The following BPIFB1 variants were observed in gnomAD, a reference collection of about 807,000 sequenced individuals.
BPIFB1 encodes BPI fold containing family B member 1, also known as BPI fold-containing family B member 1.
In BPIFB1, 34 loss-of-function variants were observed where a neutral mutation model predicts 55.1. The ratio of observed to expected loss-of-function variants is 0.62; its 90% CI spans 0.47 to 0.82. The LOEUF is 0.82. Among genes scored for constraint, BPIFB1 ranks in the 40% least tolerant of loss-of-function variants. The pLI is 0.00. For synonymous variants in BPIFB1, 236 were observed against 245.3 expected, an observed-to-expected ratio of 0.96 and a Z score of 0.35; for missense variants, 532 against 593.1, an observed-to-expected ratio of 0.90 and a Z score of 1.07.
Position 33,303,049 on chromosome 20 carries a change from T to G in BPIFB1, c.1115T>G (p.Leu372Arg). 1 of 1,613,990 alleles carries G rather than the reference T, an allele frequency of 6.2e-7. No individual in the cohort carries two copies. Among genetic ancestry groups the G allele is most frequent in the Non-Finnish European group, 8.5e-7 (1 of 1,180,024 alleles). ...GAAGTGTTTCCCTCCAGTGAAGCCC[T>G]CCGCCCTTTGTTCACCCTGGGCATC... Reference protein sequence around the residue: ...VLEVFPSSEALRPLFTLGIEA... With the variant: ...VLEVFPSSEARRPLFTLGIEA... Residue 372 changes from leucine to arginine, a missense_variant, in exon 11 of 16, where the codon CTC (leucine) becomes CGC (arginine). Physicochemically the swap from Leu to Arg is moderately radical, Grantham distance 102. Transcript: ENST00000253354.
chr20:33,289,801 G>C, intron 3 of BPIFB1, 84 bp from the exon 4 acceptor site: 1 of 1,328,844 alleles, frequency 7.5e-7, no homozygotes, highest in Non-Finnish European at 1.1e-6. Context: ...AGGCACCCCA[G>C]GGAGATGGAA....
At chr20:33,284,941 T>A (rs185830790) in intron 1 of BPIFB1, among the ~76,000 whole-genome samples, 65 of 152,180 alleles carry the variant, frequency 4.3e-4, no homozygotes, top group Admixed American at 3.7e-3. Context: ...ATTCAGTCCC[T>A]CCCCAGCCCC....
chr20:33,290,916 C>A (rs755328692), intron 4 of BPIFB1, 41 bp from the exon 5 acceptor site: 1 of 1,602,934 alleles, frequency 6.2e-7, no homozygotes, highest in South Asian at 1.1e-5. Context: ...CCAGCCCGAG[C>A]TTGCCTGGTG....
chr20:33,308,025 G>A (rs1409688661), intron 15 of BPIFB1: 1 of 152,158 alleles, frequency 6.6e-6, no homozygotes, highest in East Asian at 1.9e-4. Flanking sequence ...CACGATGCTG[G>A]CATCTGCTCA....
chr20:33,297,637 C>T, intron 7 of BPIFB1, 49 bp downstream of exon 7: 2 of 1,597,972 alleles, frequency 1.3e-6, no homozygotes, highest in Non-Finnish European at 1.7e-6. Flanking sequence ...ACGGAGCTGG[C>T]CTCCAGACCC....
At chr20:33,301,190 C>T in intron 8 of BPIFB1, 43 bp from the exon 9 acceptor site, 1 of 1,580,116 alleles carries the variant, frequency 6.3e-7, no homozygotes, top group Non-Finnish European at 8.7e-7. Context: ...GGGTAAGCTG[C>T]AGAGTTAAAA....
chr20:33,298,327 C>G (rs757591574), intron 7 of BPIFB1, among the ~76,000 whole-genome samples: 1 of 152,204 alleles, frequency 6.6e-6, no homozygotes, highest in Admixed American at 6.5e-5. Flanking sequence ...TTCTCCCTCC[C>G]CCAGCATAGC....
intron 1 of BPIFB1, among the ~76,000 whole-genome samples, chr20:33,285,633 G>C (rs1235216588): frequency 7.9e-5 from 12 of 151,184 alleles, no homozygotes. Context: ...CAGGAGAATG[G>C]TGTGAACTCA....
At chr20:33,305,345 T>A (rs1186224215) in intron 13 of BPIFB1, among the ~76,000 whole-genome samples, 2 of 128,568 alleles carry the variant, frequency 1.6e-5, no homozygotes, top group Non-Finnish European at 3.1e-5. Context: ...TGAGATGGAG[T>A]CTCGCTCTGT....
At position 33,309,802 on chromosome 20, in the gene BPIFB1, C is replaced by G. The variant is rs978757060; in HGVS notation, c.*35C>G. On this transcript the variant is annotated 3_prime_UTR_variant, in exon 16 of 16. Transcript: ENST00000253354. The surrounding 1 kb of genome is among the most constrained non-coding windows in gnomAD (Gnocchi z 4.4). ...TGGCAGCCATCAGGGAAGGCTGGGT[C>G]CCAGCTGGGAGTATGGGTGTGAGCT... The G allele has an allele frequency of 6.3e-7, 1 of 1,587,532 alleles. No homozygotes were observed. The highest frequency in any genetic ancestry group is 1.3e-5 in the African/African-American group (1 of 74,206).
At chr20:33,305,861 G>GCT in intron 13 of BPIFB1, 141 bp from the exon 14 acceptor site, 3 of 929,798 alleles carry the variant, frequency 3.2e-6, no homozygotes, top group Non-Finnish European at 5.1e-6. Context: ...AGCCCCCACA[G>GCT]CTCTGATCAG....
At chr20:33,291,299 A>G (rs7272337) in intron 5 of BPIFB1, among the ~76,000 whole-genome samples, 193 bp downstream of exon 5, 15,707 of 152,248 alleles carry the variant, frequency 0.1, 2,640 homozygotes, top group African/African-American at 0.35. Flanking sequence ...CATCAAGGTC[A>G]GAAGCAACCA....
chr20:33,295,857 AGAAG>A (rs1192225709), intron 6 of BPIFB1, among the ~76,000 whole-genome samples: 2 of 136,824 alleles, frequency 1.5e-5, no homozygotes, highest in South Asian at 2.6e-4. Flanking sequence ...AAGGAAGGAA[AGAAG>A]GAAGGAAGGG....
At chr20:33,302,846 G>A in intron 10 of BPIFB1, 70 bp from the exon 11 acceptor site, 1 of 1,572,276 alleles carries the variant, frequency 6.4e-7, no homozygotes, top group Non-Finnish European at 8.7e-7. Context: ...GCAGGGGCCA[G>A]GCCACACACA....
At chr20:33,302,598 T>C in intron 10 of BPIFB1, 186 bp downstream of exon 10, 1 of 684,498 alleles carries the variant, frequency 1.5e-6, no homozygotes, top group Admixed American at 2.2e-5. Context: ...ATCACATGGA[T>C]AGTATTTCCA....
chr20:33,288,815 G>A lies in BPIFB1; in HGVS notation c.190G>A (p.Glu64Lys). Residue 64 changes from glutamate (E) to lysine (K), a missense_variant, in exon 3 of 16, where the codon GAA (glutamate) becomes AAA (lysine). Transcript: ENST00000253354. The stretch of plus-strand genomic sequence containing the variant: ...GCTGCCGCTGCTCAGTGCCATGCGG[G>A]AAAAGCCAGCCGGAGGCATCCCTGT... ...QQLPLLSAMREKPAGGIPVLG... is the reference protein window; with the variant it reads ...QQLPLLSAMRKKPAGGIPVLG... The A allele has an allele frequency of 6.2e-7, 1 of 1,614,000 alleles. No homozygotes were observed. Among genetic ancestry groups the A allele is most frequent in the Non-Finnish European group, 8.5e-7 (1 of 1,180,032 alleles).
At chr20:33,307,800 G>A (rs1489000521) in intron 15 of BPIFB1, 1 of 152,208 alleles carries the variant, frequency 6.6e-6, no homozygotes, top group African/African-American at 2.4e-5. Context: ...TGTAATCCCA[G>A]CTACTCGGAA....
intron 1 of BPIFB1, among the ~76,000 whole-genome samples, chr20:33,285,332 G>A (rs2146524493): frequency 6.6e-6 from 1 of 152,126 alleles, no homozygotes; most frequent in African/African-American, 2.4e-5. Flanking sequence ...GAACCATAGA[G>A]GGTTTTAAGT....
chr20:33,288,631 C>T (rs1980346625), intron 2 of BPIFB1, 110 bp from the exon 3 acceptor site: 10 of 1,313,114 alleles, frequency 7.6e-6, no homozygotes, highest in South Asian at 4.1e-5. Context: ...GCTACACCCT[C>T]GCCTTACCTC....
Sources: allele counts gnomAD v4.1 joint callset (sites outside exome capture counted in the v4.1 genomes callset), GRCh38; gene constraint gnomAD v4.1.1; non-coding constraint Gnocchi (gnomAD v3.1); transcripts MANE v1.5; gene names NCBI Gene and HGNC (gene_info 2026-07-23, HGNC 2026-07-21).